FAM240A: variants seen among roughly 807,000 people sequenced by gnomAD.
FAM240A encodes the protein protein FAM240A.
Under a neutral mutation model 7.3 loss-of-function variants are expected in FAM240A, and 8 were observed. That is an observed-to-expected ratio of 1.09 (90% CI 0.64 to 1.97). FAM240A has a LOEUF of 1.97. FAM240A is among the 30% of genes most tolerant of loss of function. The pLI is 0.00. For synonymous variants in FAM240A, 32 were observed against 35.9 expected, an observed-to-expected ratio of 0.89 and a Z score of 0.38; for missense variants, 90 against 102.2, an observed-to-expected ratio of 0.88 and a Z score of 0.52.
intron 2 of FAM240A, among the ~76,000 whole-genome samples, chr3:46,621,059 T>G (rs1439162741): frequency 4.6e-5 from 7 of 152,200 alleles, no homozygotes. Context: ...TACTTTTTTG[T>G]ATGCTTGAAA....
At chr3:46,619,929 G>A (rs1157665270) in intron 2 of FAM240A, among the ~76,000 whole-genome samples, 2 of 152,142 alleles carry the variant, frequency 1.3e-5, no homozygotes, top group Non-Finnish European at 2.9e-5. Context: ...AGTCCCTACT[G>A]CAGTGCTGAA....
rs367821517 is a variant in FAM240A at position 46,617,211 on chromosome 3, A to T, written c.44A>T (p.Glu15Val). The T allele has an allele frequency of 1.6e-5, 25 of 1,534,466 alleles. No homozygotes were observed. In the African/African-American group the frequency reaches 3.3e-4, roughly 20 times the overall value. The change falls in exon 2 of 3, where the codon GAG (glutamate) becomes GTG (valine). Residue 15 changes from glutamate to valine, a missense_variant. Glu to Val is a moderately radical substitution (Grantham distance 121). Transcript: ENST00000640551. Reference protein sequence around the residue: ...SGMNNQYTRREVFCRNTCHDL... With the variant: ...SGMNNQYTRRVVFCRNTCHDL... ...ATGAACAATCAATACACCCGTCGGG[A>T]GGTCTTCTGCCGGAACACCTGCCAT...
chr3:46,616,971 T>C (rs1294640655), intron 1 of FAM240A, among the ~76,000 whole-genome samples: 1 of 152,234 alleles, frequency 6.6e-6, no homozygotes, highest in Non-Finnish European at 1.5e-5. Context: ...TTTACATTCC[T>C]ACCAACAGCA....
In FAM240A at chr3:46,625,205, C is replaced by A; in HGVS notation, c.239C>A (p.Thr80Lys). 6.5e-7 allele frequency: 1 copy of A among 1,532,536 alleles called. No homozygotes were observed. Among genetic ancestry groups the A allele is most frequent in the South Asian group, 1.2e-5 (1 of 83,636 alleles). 94.9% of individuals were successfully genotyped at this position (1,532,536 alleles called of 1,614,324 possible). A position where few individuals can be genotyped will look rare whatever the true frequency, so the allele number is the denominator to read the frequency against. Residue 80 changes from threonine to lysine, a missense_variant, in exon 3 of 3, where the codon ACA (threonine) becomes AAA (lysine). By Grantham distance (78) the Thr-to-Lys change is moderately conservative. Coordinates refer to ENST00000640551, the MANE Select transcript of FAM240A (RefSeq NM_001195442.2). ...RNNPEDTEKR[T>K]NVG The stretch of plus-strand genomic sequence containing the variant: ...AATCCAGAGGACACTGAAAAGAGGA[C>A]AAATGTTGGCTGAGAGCTTCCTGCT...
chr3:46,616,506 A>G (rs936181077), intron 1 of FAM240A, among the ~76,000 whole-genome samples: 3 of 152,192 alleles, frequency 2.0e-5, no homozygotes, highest in Non-Finnish European at 4.4e-5. Context: ...TGAGTCTCCA[A>G]TGCCCATTAT....
In FAM240A at chr3:46,618,852, A is replaced by AAT. The variant is rs1255121214; in HGVS notation, c.161+1525_161+1526insTA. On this transcript the variant is annotated intron_variant, in intron 2 of 2. Coordinates refer to ENST00000640551, the MANE Select transcript of FAM240A (RefSeq NM_001195442.2). ...CAAAACTCTGTCTCAAAAAGAAAAA[A>AAT]AGATATATATATATGTATATATATA... Among the ~76,000 whole-genome samples, 7 of 102,902 alleles carry AAT rather than the reference A, an allele frequency of 6.8e-5. No homozygotes were observed. In the South Asian group the frequency reaches 9.0e-4, roughly 13 times the overall value. 67.5% of individuals were successfully genotyped at this position (102,902 alleles called of 152,430 possible).
chr3:46,615,718 C>T (rs1009185391), intron 1 of FAM240A, among the ~76,000 whole-genome samples: 1 of 152,196 alleles, frequency 6.6e-6, no homozygotes, highest in East Asian at 1.9e-4. Flanking sequence ...CATCTGCAGC[C>T]CCTGCTTTTG....
intron 1 of FAM240A, among the ~76,000 whole-genome samples, chr3:46,616,431 C>T (rs1330511727): frequency 6.6e-6 from 1 of 152,104 alleles, no homozygotes; most frequent in Non-Finnish European, 1.5e-5. Context: ...TTTTAGTGCA[C>T]TTGTCACCCA....
intron 1 of FAM240A, among the ~76,000 whole-genome samples, chr3:46,614,264 A>G (rs1697603767): frequency 6.6e-6 from 1 of 152,174 alleles, no homozygotes; most frequent in East Asian, 1.9e-4. Flanking sequence ...ATCTTTTCCT[A>G]AAAGTGTATT....
intron 2 of FAM240A, among the ~76,000 whole-genome samples, chr3:46,624,097 T>A (rs938863466): frequency 1.3e-5 from 2 of 152,198 alleles, no homozygotes; most frequent in African/African-American, 4.8e-5. Flanking sequence ...ACAGCCTGCC[T>A]TCAGGTGATA....
intron 1 of FAM240A, among the ~76,000 whole-genome samples, chr3:46,613,410 C>T (rs1259268549): frequency 6.6e-6 from 1 of 152,004 alleles, no homozygotes; most frequent in Non-Finnish European, 1.5e-5. Flanking sequence ...AGGAGAATCA[C>T]TTGAACCCAG....
At chr3:46,618,873 A>G (rs2891886) in intron 2 of FAM240A, among the ~76,000 whole-genome samples, 11 of 40,642 alleles carry the variant, frequency 2.7e-4, no homozygotes, top group South Asian at 6.5e-4. Flanking sequence ...ATATGTATAT[A>G]TATATATATA....
Position 46,625,194 on chromosome 3 carries a change from T to C in FAM240A, c.228T>C (p.Thr76=). ...GGCTGCGGAACAATCCAGAGGACAC[T>C]GAAAAGAGGACAAATGTTGGCTGAG... is the stretch of plus-strand genomic sequence containing the variant. ...KLRLRNNPED[T]EKRTNVG is the part of the protein sequence containing the mutation. Residue 76 remains threonine, a synonymous_variant, in exon 3 of 3, where the codon ACT becomes ACC. Coordinates refer to ENST00000640551, the MANE Select transcript of FAM240A (RefSeq NM_001195442.2). 1 of 1,533,306 alleles carries C rather than the reference T, an allele frequency of 6.5e-7. No homozygotes were observed. Among genetic ancestry groups the C allele is most frequent in the South Asian group, 1.2e-5 (1 of 83,710 alleles). The allele number at this position is 1,533,306 out of a possible 1,614,324, so 95.0% of individuals were successfully genotyped here.
At chr3:46,618,872 T>TACAC (rs1424585730) in intron 2 of FAM240A, among the ~76,000 whole-genome samples, 6 of 24,244 alleles carry the variant, frequency 2.5e-4, no homozygotes, top group African/African-American at 1.0e-3. Flanking sequence ...TATATGTATA[T>TACAC]ATATATATAT....
At position 46,617,239 on chromosome 3, in the gene FAM240A, T is replaced by C; in HGVS notation, c.72T>C (p.Asp24=). Residue 24 remains aspartate (D), a synonymous_variant, in exon 2 of 3, where the codon GAT becomes GAC. Transcript: ENST00000640551. ...REVFCRNTCH[D]LKHFWEREIG... ...TCTTCTGCCGGAACACCTGCCATGATCTCAAGCATTTCTGGGAAAGGGAAA... is the reference window on the plus strand; with the variant it reads ...TCTTCTGCCGGAACACCTGCCATGACCTCAAGCATTTCTGGGAAAGGGAAA... 1 of 1,535,652 alleles carries C rather than the reference T, an allele frequency of 6.5e-7. No homozygotes were observed. Among genetic ancestry groups the C allele is most frequent in the Non-Finnish European group, 8.7e-7 (1 of 1,146,680 alleles).
At position 46,612,651 on chromosome 3, in the gene FAM240A, G is replaced by T. The variant is rs1288508636; in HGVS notation, c.-33G>T. ...ACAGGCGGTCAAGTGCGACACATTT[G>T]GTTCGACTGAATCGATGTCTTCACA... is the stretch of plus-strand genomic sequence containing the variant. On this transcript the variant is annotated 5_prime_UTR_variant, in exon 1 of 3. Transcript: ENST00000640551. 6 of 1,532,434 alleles carry T rather than the reference G, an allele frequency of 3.9e-6. No individual in the cohort carries two copies. The highest frequency in any genetic ancestry group is 5.2e-6 in the Non-Finnish European group (6 of 1,143,514). 94.9% of individuals were successfully genotyped at this position (1,532,434 alleles called of 1,614,324 possible). A position where few individuals can be genotyped will look rare whatever the true frequency, so the allele number is the denominator to read the frequency against.
chr3:46,618,914 CACACATAT>C lies in FAM240A; in HGVS notation c.161+1587_161+1594del, dbSNP rs1327518359. On this transcript the variant is annotated intron_variant, in intron 2 of 2. Transcript: ENST00000640551. The stretch of plus-strand genomic sequence containing the variant: ...ACACACACACACACACACACACACA[CACACATAT>C]GCAGTATCTATCTATGCATATAATA... 4.4e-4 allele frequency among the ~76,000 whole-genome samples: 65 copies of C among 146,876 alleles called. 1 individual carries two copies. Among genetic ancestry groups the C allele is most frequent in the Middle Eastern group, 3.4e-3 (1 of 292 alleles).
At chr3:46,623,264 C>T (rs1697717217) in intron 2 of FAM240A, among the ~76,000 whole-genome samples, 1 of 152,108 alleles carries the variant, frequency 6.6e-6, no homozygotes, top group East Asian at 1.9e-4. Flanking sequence ...TTATCGCAGA[C>T]AGGGAACATA....
At chr3:46,615,064 C>T (rs1575384202) in intron 1 of FAM240A, among the ~76,000 whole-genome samples, 1 of 152,300 alleles carries the variant, frequency 6.6e-6, no homozygotes, top group East Asian at 1.9e-4. Context: ...GATGAGAAAA[C>T]TGACGCCAGG....
Sources: gnomAD v4.1 joint callset for allele counts (sites outside exome capture counted in the v4.1 genomes callset) on GRCh38, gnomAD v4.1.1 for gene constraint, MANE v1.5 for transcripts, NCBI Gene and HGNC (gene_info 2026-07-23, HGNC 2026-07-21) for gene names.